The following RYR2 variants were observed in gnomAD, a reference collection of about 807,000 sequenced individuals.
RYR2 encodes the protein cardiac muscle ryanodine receptor-calcium release channel.
RYR2 carries 227 observed loss-of-function variants against 601.1 expected under a neutral mutation model. The observed-to-expected ratio is 0.38, with a 90% CI of 0.34 to 0.42. The LOEUF (loss-of-function observed/expected upper bound fraction) is 0.42. Among genes scored for constraint, RYR2 ranks in the 10% least tolerant of loss-of-function variants. The pLI is 1.00. For synonymous variants in RYR2, 2,223 were observed against 2,175.1 expected, an observed-to-expected ratio of 1.02 and a Z score of -0.61; for missense variants, 4,646 against 6,156.5, an observed-to-expected ratio of 0.75 and a Z score of 8.21.
chr1:237,214,578 C>G (rs1682959907), intron 1 of RYR2, among the ~76,000 whole-genome samples: 1 of 152,172 alleles, frequency 6.6e-6, no homozygotes, highest in Non-Finnish European at 1.5e-5. Context: ...AGCTCTGCCC[C>G]TATGTTCCAA....
chr1:237,207,606 C>A (rs961948898), intron 1 of RYR2, among the ~76,000 whole-genome samples: 1 of 152,192 alleles, frequency 6.6e-6, no homozygotes, highest in Admixed American at 6.5e-5. Flanking sequence ...TGAGACCATG[C>A]AGTAAGAAGC....
intron 1 of RYR2, among the ~76,000 whole-genome samples, chr1:237,189,686 G>A (rs546341099): frequency 6.6e-6 from 1 of 152,244 alleles, no homozygotes; most frequent in African/African-American, 2.4e-5. Context: ...CTGGCACCCT[G>A]ATCTTTGTCC....
At chr1:237,340,909 G>T (rs1343791126) in intron 3 of RYR2, among the ~76,000 whole-genome samples, 1 of 152,194 alleles carries the variant, frequency 6.6e-6, no homozygotes, top group African/African-American at 2.4e-5. Context: ...TTAGGTGAAT[G>T]TGGAAATTTG....
rs376363428 is a variant in RYR2 at position 237,500,920 on chromosome 1, T to G, written c.2396+17T>G. The stretch of plus-strand genomic sequence containing the variant: ...AGGAATAAAGTTAGTATGTCTATGT[T>G]TTTTGGTCTCTTTCCTTTCTCATTT... On this transcript the variant is annotated intron_variant, in intron 21 of 104. Coordinates refer to ENST00000366574, the MANE Select transcript of RYR2 (RefSeq NM_001035.3). The G allele has an allele frequency of 3.5e-4, 558 of 1,612,002 alleles. 8 individuals carry two copies. The African/African-American group carries it at 6.6e-3, about 19-fold the overall frequency.
intron 4 of RYR2, among the ~76,000 whole-genome samples, chr1:237,363,422 C>T (rs900331499): frequency 6.6e-6 from 1 of 151,904 alleles, no homozygotes; most frequent in African/African-American, 2.4e-5. Flanking sequence ...TAATAATATA[C>T]ATATTACTAT....
At chr1:237,703,538 T>A (rs1688128834) in intron 66 of RYR2, among the ~76,000 whole-genome samples, 1 of 149,594 alleles carries the variant, frequency 6.7e-6, no homozygotes, top group African/African-American at 2.4e-5. Flanking sequence ...CTCCTGTTTT[T>A]GTGAGTTTTA....
chr1:237,827,415 G>A (rs779408153), intron 101 of RYR2, among the ~76,000 whole-genome samples: 2 of 151,990 alleles, frequency 1.3e-5, no homozygotes, highest in African/African-American at 2.4e-5. Flanking sequence ...CGAGAGGATC[G>A]CTTGAGCCCA....
intron 95 of RYR2, among the ~76,000 whole-genome samples, 170 bp downstream of exon 95, chr1:237,794,167 G>A (rs1383294499): frequency 2.0e-5 from 3 of 152,104 alleles, no homozygotes; most frequent in African/African-American, 7.2e-5. Flanking sequence ...AATGGTGGAT[G>A]TCCTCAATTT....
rs1559066765 is a variant in RYR2, at chr1:237,584,658, T to TTTTTTTG, written c.3599-5129_3599-5128insGTTTTTT. On this transcript the variant is annotated intron_variant, in intron 29 of 104. Transcript: ENST00000366574. ...ATCCAGCTCACCACCTGTTTTTTTT[T>TTTTTTTG]TTTTTTTTTTTTTTTGAGACAGGGT... Among the ~76,000 whole-genome samples the TTTTTTTG allele has an allele frequency of 3.8e-3, 523 of 137,250 alleles. 7 individuals are homozygous for TTTTTTTG. Among genetic ancestry groups the TTTTTTTG allele is most frequent in the African/African-American group, 0.013 (475 of 37,022 alleles). 90.0% of individuals were successfully genotyped at this position (137,250 alleles called of 152,430 possible).
intron 1 of RYR2, among the ~76,000 whole-genome samples, chr1:237,168,008 C>T (rs994830708): frequency 6.6e-6 from 1 of 152,174 alleles, no homozygotes; most frequent in Non-Finnish European, 1.5e-5. Context: ...CCCCAAACAA[C>T]AACAATTCCT....
intron 89 of RYR2, 66 bp from the exon 90 acceptor site, chr1:237,783,609 T>C (rs1018316174): frequency 1.1e-6 from 1 of 943,310 alleles, no homozygotes; most frequent in Non-Finnish European, 1.6e-6. Context: ...ATCTACATTG[T>C]TATCTTCTGT....
At chr1:237,235,120 T>C (rs1685429752) in intron 1 of RYR2, among the ~76,000 whole-genome samples, 1 of 152,208 alleles carries the variant, frequency 6.6e-6, no homozygotes, top group Admixed American at 6.5e-5. Context: ...TTTGATGTCT[T>C]CTCTCCAGTT....
At chr1:237,535,427 T>A (rs536737561) in intron 25 of RYR2, among the ~76,000 whole-genome samples, 72 of 150,652 alleles carry the variant, frequency 4.8e-4, no homozygotes, top group Non-Finnish European at 9.5e-4. Flanking sequence ...ACTGATCCAA[T>A]AAGAAAGAAA....
At chr1:237,165,103 G>A (rs1053202822) in intron 1 of RYR2, among the ~76,000 whole-genome samples, 9 of 151,724 alleles carry the variant, frequency 5.9e-5, no homozygotes, top group Admixed American at 1.3e-4. Context: ...GACTATAGGC[G>A]CATGCACCAT....
intron 71 of RYR2, 40 bp downstream of exon 71, chr1:237,711,877 G>A (rs766550719): frequency 4.4e-6 from 4 of 912,310 alleles, no homozygotes; most frequent in South Asian, 1.5e-5. Context: ...GAAAATATCT[G>A]AATGTGACTT....
chr1:237,535,441 C>T lies in RYR2; in HGVS notation c.2906+4931C>T, dbSNP rs114701131. ...AACTGATCCAATAAGAAAGAAAATA[C>T]GAATAGAGCTATAACTATTAAAGGA... On this transcript the variant is annotated intron_variant, in intron 25 of 104. Transcript: ENST00000366574. Among the ~76,000 whole-genome samples, 1,439 of 150,576 alleles carry T rather than the reference C, an allele frequency of 9.6e-3. 25 individuals are homozygous for T. The highest frequency in any genetic ancestry group is 0.033 in the African/African-American group (1,341 of 41,080).
At position 237,785,036 on chromosome 1, in the gene RYR2, A is replaced by C. The variant is rs962170386; in HGVS notation, c.13260+64A>C. On this transcript the variant is annotated intron_variant, in intron 90 of 104. Transcript: ENST00000366574. ...CTTCAGGTGGGTATAATAAATGATC[A>C]TTAGACCAGGTTTCATGCTAGTGCC... 5.9e-6 allele frequency: 7 copies of C among 1,180,866 alleles called. No homozygotes were observed. The Admixed American group carries it at 1.4e-4, about 23-fold the overall frequency. 73.1% of individuals were successfully genotyped at this position (1,180,866 alleles called of 1,614,324 possible).
intron 11 of RYR2, among the ~76,000 whole-genome samples, chr1:237,418,582 C>T (rs1346666952): frequency 4.6e-5 from 7 of 152,154 alleles, no homozygotes; most frequent in Non-Finnish European, 1.5e-5. Flanking sequence ...AAAATGGTTA[C>T]ATCACCCTTT....
chr1:237,131,352 A>G (rs544485675), intron 1 of RYR2, among the ~76,000 whole-genome samples: 2 of 152,290 alleles, frequency 1.3e-5, no homozygotes, highest in African/African-American at 2.4e-5. Flanking sequence ...ATTCTCTTAA[A>G]TGGAATGTTT....
Sources: allele counts gnomAD v4.1 joint callset (sites outside exome capture counted in the v4.1 genomes callset), GRCh38; gene constraint gnomAD v4.1.1; transcripts MANE v1.5; gene names NCBI Gene and HGNC (gene_info 2026-07-23, HGNC 2026-07-21).